DIAPH2: variants seen among roughly 807,000 people sequenced by gnomAD.
DIAPH2 encodes the protein protein diaphanous homolog 2.
A neutral mutation model predicts 92.7 loss-of-function variants in DIAPH2; 35 were observed. The ratio of observed to expected loss-of-function variants is 0.38; its 90% CI spans 0.29 to 0.50. The LOEUF is 0.50. Among genes scored for constraint, DIAPH2 ranks in the 20% least tolerant of loss-of-function variants. The pLI, the probability that DIAPH2 is intolerant of heterozygous loss-of-function variation, is 0.94. For missense variants in DIAPH2, 701 were observed against 819.5 expected, an observed-to-expected ratio of 0.86 and a Z score of 1.77; for synonymous variants, 301 against 280.4, an observed-to-expected ratio of 1.07 and a Z score of -0.73.
In DIAPH2 at chrX:97,360,342, G is replaced by A. The variant is rs764700998; in HGVS notation, c.3009+12062G>A. Among the ~76,000 whole-genome samples the A allele has an allele frequency of 7.2e-5, 8 of 110,510 alleles. No individual in the cohort carries two copies. In the South Asian group the frequency reaches 2.4e-3, roughly 33 times the overall value. Reference sequence around the variant, plus strand: ...GTAATTAACAAAACAGTCTGGGTGCGGTGGCTCACGCCTGTAATCCCAGCA... The same window carrying A: ...GTAATTAACAAAACAGTCTGGGTGCAGTGGCTCACGCCTGTAATCCCAGCA... On this transcript the variant is annotated intron_variant, in intron 24 of 26. Transcript: ENST00000324765.
intron 22 of DIAPH2, among the ~76,000 whole-genome samples, chrX:97,205,439 A>G (rs1444630360): frequency 8.9e-6 from 1 of 111,827 alleles, no homozygotes; most frequent in Non-Finnish European, 1.9e-5. Context: ...ACAAAGGTCT[A>G]ATATCCAGAA....
intron 26 of DIAPH2, among the ~76,000 whole-genome samples, chrX:97,535,763 A>C (rs2071091104): frequency 8.9e-6 from 1 of 112,550 alleles, no homozygotes; most frequent in Admixed American, 9.4e-5. Context: ...TGGGGTTTTT[A>C]AATACTTGGT....
intron 24 of DIAPH2, among the ~76,000 whole-genome samples, chrX:97,374,492 T>G (rs910954846): frequency 7.1e-5 from 8 of 112,040 alleles, no homozygotes; most frequent in Non-Finnish European, 1.3e-4. Flanking sequence ...TCGTAGTTGA[T>G]TGGTTGATGA....
chrX:97,258,598 G>A (rs1410896438), intron 23 of DIAPH2, among the ~76,000 whole-genome samples: 1 of 99,066 alleles, frequency 1.0e-5, no homozygotes, highest in Non-Finnish European at 2.0e-5. Context: ...AGCCAGTCAC[G>A]GTGGCTCACG....
intron 4 of DIAPH2, among the ~76,000 whole-genome samples, chrX:96,766,815 G>A (rs2064307121): frequency 8.9e-6 from 1 of 112,000 alleles, no homozygotes; most frequent in Non-Finnish European, 1.9e-5. Flanking sequence ...CAGAAATGGA[G>A]GCATTTGAGG....
chrX:96,729,757 G>GC (rs2064043304), intron 1 of DIAPH2, among the ~76,000 whole-genome samples: 1 of 112,095 alleles, frequency 8.9e-6, no homozygotes, highest in Non-Finnish European at 1.9e-5. Context: ...AAAAATGGTG[G>GC]AATGAATTTT....
At chrX:96,825,884 T>C (rs191302817) in intron 4 of DIAPH2, among the ~76,000 whole-genome samples, 2 of 111,452 alleles carry the variant, frequency 1.8e-5, no homozygotes, top group Non-Finnish European at 3.8e-5. Context: ...CTTCATCTTC[T>C]CTACATCCTA....
chrX:96,930,074 T>G (rs189138351), intron 9 of DIAPH2, among the ~76,000 whole-genome samples: 21 of 111,088 alleles, frequency 1.9e-4, no homozygotes, highest in African/African-American at 5.9e-4. Flanking sequence ...ATACTTTACT[T>G]GAAAACAAGC....
At chrX:97,236,949 A>T (rs756641266) in intron 22 of DIAPH2, among the ~76,000 whole-genome samples, 1 of 112,015 alleles carries the variant, frequency 8.9e-6, no homozygotes, top group Admixed American at 9.5e-5. Flanking sequence ...TATCGCATCT[A>T]GTTTGTCAAA....
intron 4 of DIAPH2, among the ~76,000 whole-genome samples, chrX:96,802,370 T>C (rs1435349183): frequency 8.9e-6 from 1 of 112,384 alleles, no homozygotes; most frequent in African/African-American, 3.2e-5. Context: ...AAAACTTTAT[T>C]TGTAAAAATA....
chrX:97,307,074 C>T (rs1382039738), intron 23 of DIAPH2, among the ~76,000 whole-genome samples: 1 of 111,645 alleles, frequency 9.0e-6, no homozygotes, highest in Non-Finnish European at 1.9e-5. Flanking sequence ...AAGGAAGAAG[C>T]TCTTATTATA....
chrX:96,920,175 T>C (rs2065532910), intron 9 of DIAPH2, among the ~76,000 whole-genome samples: 1 of 111,341 alleles, frequency 9.0e-6, no homozygotes, highest in Admixed American at 9.6e-5. Context: ...TTTTAAAGAT[T>C]AGTATATTTT....
chrX:97,572,184 T>C (rs769258886), intron 26 of DIAPH2, among the ~76,000 whole-genome samples: 9 of 110,044 alleles, frequency 8.2e-5, no homozygotes, highest in Non-Finnish European at 1.5e-4. Flanking sequence ...TACATATCAT[T>C]AGTGAAGGGA....
chrX:97,055,562 A>C (rs2066551117), intron 17 of DIAPH2, among the ~76,000 whole-genome samples: 1 of 111,476 alleles, frequency 9.0e-6, no homozygotes, highest in Admixed American at 9.6e-5. Context: ...ATGGGTCTGC[A>C]ACCCAGAGGG....
intron 4 of DIAPH2, among the ~76,000 whole-genome samples, chrX:96,774,707 TTCTA>T (rs932793755): frequency 1.1e-4 from 12 of 112,337 alleles, no homozygotes; most frequent in East Asian, 2.8e-4. Context: ...CGAGTTTTTT[TTCTA>T]TCTGTGTGTT....
chrX:97,264,122 C>T (rs758801729), intron 23 of DIAPH2, among the ~76,000 whole-genome samples: 1 of 109,992 alleles, frequency 9.1e-6, no homozygotes, highest in African/African-American at 3.3e-5. Context: ...GGGGTTTCGC[C>T]ATGTTGCCCA....
chrX:97,157,024 A>G (rs924465925), intron 22 of DIAPH2, among the ~76,000 whole-genome samples: 7 of 111,485 alleles, frequency 6.3e-5, no homozygotes, highest in African/African-American at 2.3e-4. Flanking sequence ...CAAATTAATA[A>G]TGTTTACTGG....
At chrX:96,800,252 G>T (rs1204006352) in intron 4 of DIAPH2, among the ~76,000 whole-genome samples, 1 of 65,256 alleles carries the variant, frequency 1.5e-5, no homozygotes, top group Non-Finnish European at 2.5e-5. Flanking sequence ...AGTCTCACAA[G>T]ATACATTTTT....
intron 22 of DIAPH2, among the ~76,000 whole-genome samples, chrX:97,144,998 C>T (rs1376401749): frequency 3.6e-5 from 4 of 111,832 alleles, no homozygotes; most frequent in Non-Finnish European, 7.5e-5. Flanking sequence ...AACTCCTGAC[C>T]TTGTGATCCA....
Sources: gnomAD v4.1 joint callset for allele counts (sites outside exome capture counted in the v4.1 genomes callset) on GRCh38, gnomAD v4.1.1 for gene constraint, MANE v1.5 for transcripts, NCBI Gene and HGNC (gene_info 2026-07-23, HGNC 2026-07-21) for gene names.